Variants in MRPS9 observed in about 807,000 individuals in gnomAD.
MRPS9 encodes the protein mitochondrial ribosomal protein S9.
In MRPS9, 45 loss-of-function variants were observed where a neutral mutation model predicts 59.9. That is an observed-to-expected ratio of 0.75 (90% CI 0.59 to 0.96). MRPS9 has a LOEUF of 0.96. Among genes scored for constraint, MRPS9 ranks in the 40% least tolerant of loss-of-function variants. The pLI, the probability that MRPS9 is intolerant of heterozygous loss-of-function variation, is 0.00. For synonymous variants in MRPS9, 171 were observed against 166.8 expected (o/e 1.03, Z -0.19); for missense variants, 473 against 481.1 (o/e 0.98, Z 0.16).
chr2:105,072,657 C>T (rs570191032), intron 4 of MRPS9, among the ~76,000 whole-genome samples: 5 of 152,098 alleles, frequency 3.3e-5, no homozygotes, highest in Non-Finnish European at 7.4e-5. Context: ...GTTCTCAATA[C>T]GCAGGCCGCT....
intron 9 of MRPS9, among the ~76,000 whole-genome samples, chr2:105,095,982 G>A (rs909522882): frequency 6.6e-6 from 1 of 152,058 alleles, no homozygotes; most frequent in African/African-American, 2.4e-5. Flanking sequence ...AGTTATCATA[G>A]TATATTAATA....
chr2:105,042,629 T>G lies in MRPS9; in HGVS notation c.135+4402T>G, dbSNP rs573907525. On this transcript the variant is annotated intron_variant, in intron 1 of 10. Transcript: ENST00000258455. ...GCACATGTGGGTACATCTGAACACC[T>G]GCTGTATCATTCTTTTTGTCAGATA... Among the ~76,000 whole-genome samples, 109 of 152,366 alleles carry G rather than the reference T, an allele frequency of 7.2e-4. 1 individual carries two copies. Among genetic ancestry groups the G allele is most frequent in the South Asian group, 6.6e-3 (32 of 4,828 alleles).
chr2:105,045,253 C>G (rs1679571648), intron 1 of MRPS9, among the ~76,000 whole-genome samples: 1 of 150,790 alleles, frequency 6.6e-6, no homozygotes, highest in Non-Finnish European at 1.5e-5. Context: ...TATTCAGAGA[C>G]ACATGTATTG....
intron 5 of MRPS9, 109 bp downstream of exon 5, chr2:105,080,171 A>G (rs1027711018): frequency 6.2e-6 from 4 of 640,440 alleles, no homozygotes; most frequent in Non-Finnish European, 1.0e-5. Context: ...ATAATTGACA[A>G]AAATAAGACT....
chr2:105,081,343 T>C (rs1680337653), intron 5 of MRPS9, among the ~76,000 whole-genome samples: 1 of 152,266 alleles, frequency 6.6e-6, no homozygotes, highest in Non-Finnish European at 1.5e-5. Flanking sequence ...GCAGCGAAGC[T>C]GTGGAAAATC....
chr2:105,092,312 C>T (rs1680574435), intron 7 of MRPS9, 89 bp from the exon 8 acceptor site: 8 of 1,206,384 alleles, frequency 6.6e-6, no homozygotes, highest in South Asian at 1.9e-5. Context: ...GGAAAAGCAA[C>T]ATTGGAAAGA....
At chr2:105,087,744 C>T (rs1680476134) in intron 5 of MRPS9, among the ~76,000 whole-genome samples, 1 of 152,068 alleles carries the variant, frequency 6.6e-6, no homozygotes, top group South Asian at 2.1e-4. Context: ...ATCTATGTTA[C>T]AAAAATTCAA....
At chr2:105,069,505 G>A (rs951280965) in intron 2 of MRPS9, among the ~76,000 whole-genome samples, 2 of 152,128 alleles carry the variant, frequency 1.3e-5, no homozygotes, top group Admixed American at 1.3e-4. Flanking sequence ...GAGCCACCAG[G>A]CCCAGCCTGT....
At chr2:105,052,010 T>TA (rs1249124643) in intron 2 of MRPS9, among the ~76,000 whole-genome samples, 1 of 152,196 alleles carries the variant, frequency 6.6e-6, no homozygotes, top group Non-Finnish European at 1.5e-5. Context: ...CCCATATATT[T>TA]ACGAATCCCA....
rs753001424 is a variant in MRPS9 at position 105,038,180 on chromosome 2, C to T, written c.88C>T (p.Leu30Phe). 2 of 1,613,484 alleles carry T rather than the reference C, an allele frequency of 1.2e-6. No homozygotes were observed. The highest frequency in any genetic ancestry group is 2.2e-5 in the South Asian group (2 of 90,890). ...GGGTAGCCTCGCCCGGAAGCAAGGC[C>T]TCTGGAAAACCGCGGCCCCTGAGTT... ...GRGSLARKQGLWKTAAPELQT... is the reference protein window; with the variant it reads ...GRGSLARKQGFWKTAAPELQT... The change falls in exon 1 of 11, where the codon CTC (leucine) becomes TTC (phenylalanine). Residue 30 changes from leucine to phenylalanine, a missense_variant. Coordinates refer to ENST00000258455, the MANE Select transcript of MRPS9 (RefSeq NM_182640.3).
intron 4 of MRPS9, among the ~76,000 whole-genome samples, chr2:105,078,267 A>G (rs1367985869): frequency 6.6e-6 from 1 of 151,562 alleles, no homozygotes; most frequent in East Asian, 1.9e-4. Flanking sequence ...TATAAAATAC[A>G]TGATGAGGCA....
intron 10 of MRPS9, 98 bp downstream of exon 10, chr2:105,097,422 A>AT: frequency 5.5e-6 from 6 of 1,089,854 alleles, no homozygotes; most frequent in Non-Finnish European, 7.4e-6. Context: ...GAAAATATAT[A>AT]GTTACATATG....
intron 7 of MRPS9, among the ~76,000 whole-genome samples, chr2:105,091,031 ACT>A (rs1360518545): frequency 6.6e-6 from 1 of 152,166 alleles, no homozygotes; most frequent in Admixed American, 6.6e-5. Context: ...TTGCTTCTTC[ACT>A]GAACAAGTAA....
Position 105,098,343 on chromosome 2 carries a change from A to G in MRPS9, c.1099+1019A>G, listed in dbSNP as rs892813098. On this transcript the variant is annotated intron_variant, in intron 10 of 10. Transcript: ENST00000258455. ...GGCAAGTCACTTAGCACCTAAGTCTATAAGCTCCTCCTCTGGGCAAGTAGG... is the reference window on the plus strand; with the variant it reads ...GGCAAGTCACTTAGCACCTAAGTCTGTAAGCTCCTCCTCTGGGCAAGTAGG... 1.5e-4 allele frequency: 23 copies of G among 152,364 alleles called. No individual in the cohort carries two copies. The South Asian group carries it at 4.8e-3, about 32-fold the overall frequency. 9.4% of individuals were successfully genotyped at this position (152,364 alleles called of 1,614,324 possible). A position where few individuals can be genotyped will look rare whatever the true frequency, so the allele number is the denominator to read the frequency against.
intron 7 of MRPS9, chr2:105,091,266 C>T: frequency 2.1e-6 from 1 of 470,896 alleles, no homozygotes; most frequent in South Asian, 1.5e-5. Flanking sequence ...TGGTCAGTGA[C>T]TTCTTGACCT....
chr2:105,055,596 GGTATTGCATTTTATTAAATATAGCGGA>G (rs1679778002), intron 2 of MRPS9, among the ~76,000 whole-genome samples: 1 of 151,790 alleles, frequency 6.6e-6, no homozygotes, highest in African/African-American at 2.4e-5. Flanking sequence ...GACCCCTTTT[GGTATTGCATTTTATTAAATATAGCGGA>G]CCCCCTCCAC....
At chr2:105,066,982 C>T (rs1558756010) in intron 2 of MRPS9, among the ~76,000 whole-genome samples, 1 of 151,968 alleles carries the variant, frequency 6.6e-6, no homozygotes, top group Non-Finnish European at 1.5e-5. Context: ...AAACGCATAC[C>T]CCCATCACCT....
chr2:105,075,903 A>T (rs1674856081), intron 4 of MRPS9, among the ~76,000 whole-genome samples: 1 of 152,192 alleles, frequency 6.6e-6, no homozygotes, highest in South Asian at 2.1e-4. Context: ...ATTTAAAAAT[A>T]TATCAATAGA....
chr2:105,083,475 T>C (rs1680387616), intron 5 of MRPS9, among the ~76,000 whole-genome samples: 2 of 152,188 alleles, frequency 1.3e-5, no homozygotes, highest in African/African-American at 4.8e-5. Context: ...GTCCTTTAAT[T>C]TTAAGAAAAA....
Sources: gnomAD v4.1 joint callset for allele counts (sites outside exome capture counted in the v4.1 genomes callset) on GRCh38, gnomAD v4.1.1 for gene constraint, MANE v1.5 for transcripts, NCBI Gene and HGNC (gene_info 2026-07-23, HGNC 2026-07-21) for gene names.